PNPLA8: variants seen among roughly 807,000 people sequenced by gnomAD.
PNPLA8 encodes the protein calcium-independent phospholipase A2-gamma.
Under a neutral mutation model 76.9 loss-of-function variants are expected in PNPLA8, and 39 were observed. The ratio of observed to expected loss-of-function variants is 0.51; its 90% CI spans 0.39 to 0.66. The LOEUF (loss-of-function observed/expected upper bound fraction) is 0.66, where lower values mean the gene tolerates loss of function less well. Among genes scored for constraint, PNPLA8 ranks in the 30% least tolerant of loss-of-function variants. PNPLA8 has a pLI of 0.00. For synonymous variants in PNPLA8, 301 were observed against 307.9 expected (o/e 0.98, Z 0.24); for missense variants, 887 against 918.0 (o/e 0.97, Z 0.44).
At chr7:108,494,447 A>T (rs1341366023) in intron 7 of PNPLA8, among the ~76,000 whole-genome samples, 1 of 152,196 alleles carries the variant, frequency 6.6e-6, no homozygotes, top group Non-Finnish European at 1.5e-5. Flanking sequence ...CTCACTTATA[A>T]GTAAGAAGAT....
intron 10 of PNPLA8, among the ~76,000 whole-genome samples, chr7:108,475,838 T>C (rs1859951330): frequency 6.6e-6 from 1 of 152,240 alleles, no homozygotes; most frequent in Non-Finnish European, 1.5e-5. Flanking sequence ...TGTTACCTGT[T>C]TTCTCATGTC....
rs764948516 is a variant in PNPLA8, at chr7:108,514,788, T to A, written c.704A>T (p.Glu235Val). 4.3e-6 allele frequency: 7 copies of A among 1,613,352 alleles called. No homozygotes were observed. The highest frequency in any genetic ancestry group is 5.1e-6 in the Non-Finnish European group (6 of 1,179,518). ...CTCTTCTACCTTTTTATCTTCAAGT[T>A]CTGATTTGTCCCGGAAATGTTCATT... The part of the protein sequence containing the change: ...KENEHFRDKS[E>V]LEDKKVEEGK... The change falls in exon 3 of 11, where the codon GAA (glutamate) becomes GTA (valine). Residue 235 changes from glutamate to valine, a missense_variant. Glu to Val is a moderately radical substitution (Grantham distance 121, BLOSUM62 -2). Transcript: ENST00000257694.
Position 108,515,396 on chromosome 7 carries a change from C to A in PNPLA8, c.96G>T (p.Leu32Phe), listed in dbSNP as rs768256553. Residue 32 changes from leucine to phenylalanine, a missense_variant, in exon 3 of 11, where the codon TTG becomes TTT. Coordinates refer to ENST00000257694, the MANE Select transcript of PNPLA8 (RefSeq NM_001256007.3). ...TCCTCCAGTAATGCTTAGGTGAGAA[C>A]AAGAAATACAGTTGCTTGCTTCTCT... is the stretch of plus-strand genomic sequence containing the variant. Reference protein sequence around the residue: ...GKQRSKQLYFLFSPKHYWRIS... With the variant: ...GKQRSKQLYFFFSPKHYWRIS... 6.2e-7 allele frequency: 1 copy of A among 1,612,544 alleles called. No homozygotes were observed. Among genetic ancestry groups the A allele is most frequent in the African/African-American group, 1.3e-5 (1 of 74,986 alleles).
rs550849097 is a variant in PNPLA8 at position 108,502,168 on chromosome 7, C to T, written c.1358+323G>A. ...TTTTAAGAATCATGTTCCAGCTGGGCGCAGTGGCTCGCGCCTGTAATCCTA... is the reference window on the plus strand; with the variant it reads ...TTTTAAGAATCATGTTCCAGCTGGGTGCAGTGGCTCGCGCCTGTAATCCTA... On this transcript the variant is annotated intron_variant, in intron 5 of 10. Transcript: ENST00000257694. Among the ~76,000 whole-genome samples the T allele has an allele frequency of 5.9e-5, 9 of 151,400 alleles. No individual in the cohort carries two copies. The East Asian group carries it at 1.4e-3, about 23-fold the overall frequency.
At chr7:108,500,210 C>T (rs1309739352) in intron 5 of PNPLA8, among the ~76,000 whole-genome samples, 1 of 152,154 alleles carries the variant, frequency 6.6e-6, no homozygotes, top group East Asian at 1.9e-4. Context: ...CTCCCCTGAA[C>T]ATTATGGCAG....
chr7:108,521,139 C>T (rs1326641970), intron 2 of PNPLA8, among the ~76,000 whole-genome samples: 6 of 150,520 alleles, frequency 4.0e-5, no homozygotes, highest in Admixed American at 6.6e-5. Flanking sequence ...GCAAATATAG[C>T]CAGAAAAAAA....
intron 10 of PNPLA8, among the ~76,000 whole-genome samples, chr7:108,473,242 A>C (rs1859749602): frequency 6.6e-6 from 1 of 152,220 alleles, no homozygotes; most frequent in African/African-American, 2.4e-5. Context: ...TCCATGTTGT[A>C]GCATATATCA....
In PNPLA8 at chr7:108,502,617, C is replaced by A; in HGVS notation, c.1232G>T (p.Arg411Leu). 2.5e-6 allele frequency: 4 copies of A among 1,610,750 alleles called. No individual in the cohort carries two copies. Among genetic ancestry groups the A allele is most frequent in the Non-Finnish European group, 3.4e-6 (4 of 1,177,632 alleles). ...AGTTTCATCCTTAATTTGTCTCAGT[C>A]GTAATAAATATGGAATAATTCTTTC... Reference protein sequence around the residue: ...VKERIIPYLLRLRQIKDETLQ... With the variant: ...VKERIIPYLLLLRQIKDETLQ... The change falls in exon 5 of 11, where the codon CGA (arginine) becomes CTA (leucine). Residue 411 changes from arginine to leucine, a missense_variant. By Grantham distance (102) the Arg-to-Leu change is moderately radical. Transcript: ENST00000257694.
At chr7:108,513,554 C>T (rs973781712) in intron 4 of PNPLA8, among the ~76,000 whole-genome samples, 3 of 151,922 alleles carry the variant, frequency 2.0e-5, no homozygotes, top group African/African-American at 7.2e-5. Context: ...TACAAATAAT[C>T]TTAATAATAT....
intron 9 of PNPLA8, among the ~76,000 whole-genome samples, chr7:108,484,702 A>C (rs1860621491): frequency 6.6e-6 from 1 of 152,186 alleles, no homozygotes; most frequent in Non-Finnish European, 1.5e-5. Flanking sequence ...AATCACCTCT[A>C]TAGTACTTCT....
At chr7:108,487,678 T>C (rs1339642680) in intron 9 of PNPLA8, 81 bp downstream of exon 9, 2 of 767,180 alleles carry the variant, frequency 2.6e-6, no homozygotes, top group Non-Finnish European at 4.1e-6. Context: ...TTGATCCTTC[T>C]GAAGATCAAT....
intron 10 of PNPLA8, among the ~76,000 whole-genome samples, chr7:108,475,277 C>T (rs1043545752): frequency 8.5e-5 from 13 of 152,118 alleles, no homozygotes; most frequent in African/African-American, 3.1e-4. Context: ...AAATAAAGTA[C>T]ACAATAAATG....
intron 9 of PNPLA8, among the ~76,000 whole-genome samples, chr7:108,486,950 G>A (rs556126316): frequency 3.9e-5 from 6 of 152,134 alleles, no homozygotes; most frequent in African/African-American, 1.4e-4. Context: ...AATTTTAAAT[G>A]AGACATAATA....
At chr7:108,525,032 C>T (rs1309280297) in intron 1 of PNPLA8, among the ~76,000 whole-genome samples, 1 of 152,046 alleles carries the variant, frequency 6.6e-6, no homozygotes, top group East Asian at 1.9e-4. Context: ...TTCAACATCA[C>T]TCATTAAAAG....
intron 1 of PNPLA8, among the ~76,000 whole-genome samples, chr7:108,524,357 T>C (rs1464639216): frequency 6.6e-6 from 1 of 152,000 alleles, no homozygotes; most frequent in African/African-American, 2.4e-5. Context: ...GGGTAGAGCC[T>C]TGAGTGCCAC....
chr7:108,507,002 A>T (rs1300979688), intron 4 of PNPLA8, among the ~76,000 whole-genome samples: 1 of 152,146 alleles, frequency 6.6e-6, no homozygotes, highest in African/African-American at 2.4e-5. Context: ...CCTTGTGACA[A>T]ATTCAGCATT....
At chr7:108,526,561 G>T (rs777754177), upstream of PNPLA8, among the ~76,000 whole-genome samples, 18 of 152,360 alleles carry the variant, frequency 1.2e-4, no homozygotes, top group Non-Finnish European at 2.4e-4. Flanking sequence ...TGAAGCCCCT[G>T]CCTGCGCTGA....
chr7:108,503,919 A>G (rs1166363060), intron 4 of PNPLA8, among the ~76,000 whole-genome samples: 1 of 152,210 alleles, frequency 6.6e-6, no homozygotes, highest in African/African-American at 2.4e-5. Flanking sequence ...ACCTCAAGAC[A>G]TTTGCTGAAT....
In PNPLA8 at chr7:108,497,590, T is replaced by C; in HGVS notation, c.1359-13A>G. ...AGCAACCACGCCCCTACAGAAAAGATTAAAGACAAAATGACAATTCCTGTT... is the reference window on the plus strand; with the variant it reads ...AGCAACCACGCCCCTACAGAAAAGACTAAAGACAAAATGACAATTCCTGTT... On this transcript the variant is annotated splice_polypyrimidine_tract_variant and intron_variant, in intron 5 of 10. Transcript: ENST00000257694. 1 of 1,495,320 alleles carries C rather than the reference T, an allele frequency of 6.7e-7. No individual in the cohort carries two copies. The highest frequency in any genetic ancestry group is 2.4e-5 in the East Asian group (1 of 42,286). 92.6% of individuals were successfully genotyped at this position (1,495,320 alleles called of 1,614,324 possible).
Sources: gnomAD v4.1 joint callset for allele counts (sites outside exome capture counted in the v4.1 genomes callset) on GRCh38, gnomAD v4.1.1 for gene constraint, MANE v1.5 for transcripts, NCBI Gene and HGNC (gene_info 2026-07-23, HGNC 2026-07-21) for gene names.